The following RSRC1 variants were observed in gnomAD, a reference collection of about 807,000 sequenced individuals.
RSRC1 encodes the protein arginine and serine rich coiled-coil 1, also known as serine/Arginine-related protein 53.
A neutral mutation model predicts 49.1 loss-of-function variants in RSRC1; 39 were observed. The observed-to-expected ratio is 0.79, with a 90% CI of 0.61 to 1.04. The LOEUF (loss-of-function observed/expected upper bound fraction) is 1.04. Among genes scored for constraint, RSRC1 ranks in the 50% least tolerant of loss-of-function variants. RSRC1 has a pLI of 0.00. For missense variants in RSRC1, 388 were observed against 402.4 expected (o/e 0.96, Z 0.31); for synonymous variants, 143 against 130.8 (o/e 1.09, Z -0.63).
intron 6 of RSRC1, among the ~76,000 whole-genome samples, chr3:158,455,106 T>G (rs1276071658): frequency 6.6e-6 from 1 of 152,148 alleles, no homozygotes; most frequent in Non-Finnish European, 1.5e-5. Flanking sequence ...ACTCTAAAAT[T>G]AGAACATTCC....
chr3:158,453,552 A>T (rs1365374105), intron 6 of RSRC1, among the ~76,000 whole-genome samples: 1 of 151,548 alleles, frequency 6.6e-6, no homozygotes, highest in African/African-American at 2.4e-5. Context: ...GGCTAATTTT[A>T]AAATATTTTT....
intron 6 of RSRC1, among the ~76,000 whole-genome samples, chr3:158,419,825 A>T (rs1170538323): frequency 6.6e-6 from 1 of 151,258 alleles, no homozygotes; most frequent in Non-Finnish European, 1.5e-5. Flanking sequence ...TCTAGCAAAA[A>T]AAAAAAAAAA....
chr3:158,253,829 A>G (rs1282477072), intron 4 of RSRC1, among the ~76,000 whole-genome samples: 1 of 152,096 alleles, frequency 6.6e-6, no homozygotes, highest in South Asian at 2.1e-4. Flanking sequence ...AGTTTGATAC[A>G]TAGGTATACG....
chr3:158,314,218 G>A (rs1728279823), intron 5 of RSRC1, among the ~76,000 whole-genome samples: 1 of 152,098 alleles, frequency 6.6e-6, no homozygotes, highest in Non-Finnish European at 1.5e-5. Flanking sequence ...AACCTCCTGA[G>A]TAGCTGAGAT....
intron 5 of RSRC1, among the ~76,000 whole-genome samples, chr3:158,334,124 G>T (rs1729720517): frequency 6.6e-6 from 1 of 152,044 alleles, no homozygotes; most frequent in Non-Finnish European, 1.5e-5. Flanking sequence ...AAAAAAGAAG[G>T]CTATAAAGAT....
chr3:158,544,191 C>T lies in RSRC1; in HGVS notation c.921C>T (p.Ile307=), dbSNP rs753848615. 40 of 1,608,306 alleles carry T rather than the reference C, an allele frequency of 2.5e-5. No individual in the cohort carries two copies. The South Asian group carries it at 3.3e-4, about 13-fold the overall frequency. The stretch of plus-strand genomic sequence containing the variant: ...TTCTTTTCTTATTTCAGTTATTTAT[C>T]GAGAAAGCTGATGCTGAGGAAAAAT... The part of the protein sequence containing the change: ...DNSLAHPNLF[I]EKADAEEKWF... The change falls in exon 10 of 10, where the codon ATC becomes ATT. Residue 307 remains isoleucine (I), a synonymous_variant. Coordinates refer to ENST00000611884, the MANE Select transcript of RSRC1 (RefSeq NM_001271838.2).
intron 6 of RSRC1, among the ~76,000 whole-genome samples, chr3:158,385,322 T>C (rs1413651246): frequency 6.6e-6 from 1 of 152,174 alleles, no homozygotes; most frequent in Non-Finnish European, 1.5e-5. Context: ...CATTGTACTA[T>C]AAACCATTCA....
intron 3 of RSRC1, among the ~76,000 whole-genome samples, chr3:158,202,314 A>G (rs1721091304): frequency 6.6e-6 from 1 of 151,878 alleles, no homozygotes; most frequent in African/African-American, 2.4e-5. Context: ...TGCACCCAGC[A>G]TGAATATAAA....
chr3:158,191,716 T>A (rs1440685962), intron 3 of RSRC1, among the ~76,000 whole-genome samples: 1 of 152,004 alleles, frequency 6.6e-6, no homozygotes, highest in African/African-American at 2.4e-5. Flanking sequence ...TAGAGTGATT[T>A]ATCAGAAATA....
intron 4 of RSRC1, 59 bp from the exon 5 acceptor site, chr3:158,297,980 A>G: frequency 8.0e-7 from 1 of 1,246,522 alleles, no homozygotes; most frequent in Non-Finnish European, 1.2e-6. Flanking sequence ...TTTGAGGTAA[A>G]CAAATTAGAG....
intron 4 of RSRC1, among the ~76,000 whole-genome samples, chr3:158,241,492 A>T (rs551921086): frequency 3.3e-4 from 50 of 151,678 alleles, no homozygotes; most frequent in Middle Eastern, 3.4e-3. Flanking sequence ...TATTTTTTTT[A>T]AAAAAGTGTC....
intron 3 of RSRC1, among the ~76,000 whole-genome samples, chr3:158,154,372 A>G (rs998415202): frequency 8.5e-5 from 13 of 152,112 alleles, no homozygotes; most frequent in African/African-American, 3.1e-4. Context: ...AAAATAAGAC[A>G]ACAATAAAGT....
At position 158,294,505 on chromosome 3, in the gene RSRC1, A is replaced by AC. The variant is rs1370803770; in HGVS notation, c.495-3533dup. Among the ~76,000 whole-genome samples the AC allele has an allele frequency of 9.2e-5, 14 of 152,156 alleles. 1 individual carries two copies. In the South Asian group the frequency reaches 2.9e-3, roughly 32 times the overall value. On this transcript the variant is annotated intron_variant, in intron 4 of 9. Transcript: ENST00000611884. Reference sequence around the variant, plus strand: ...TTTAAAATTCTGGTTTATACATCTTACAGTTTTCCTTGTGGGTTCATCTTT... The same window carrying AC: ...TTTAAAATTCTGGTTTATACATCTTACCAGTTTTCCTTGTGGGTTCATCTTT...
chr3:158,273,517 A>G (rs1430466219), intron 4 of RSRC1, among the ~76,000 whole-genome samples: 1 of 152,138 alleles, frequency 6.6e-6, no homozygotes, highest in Admixed American at 6.5e-5. Flanking sequence ...TCACGGATAA[A>G]TTATCCCCCA....
intron 4 of RSRC1, among the ~76,000 whole-genome samples, chr3:158,285,424 T>A (rs1159059038): frequency 6.6e-6 from 1 of 152,270 alleles, no homozygotes; most frequent in Non-Finnish European, 1.5e-5. Flanking sequence ...TTGCCAATTC[T>A]GTGAAGAAAG....
At chr3:158,519,831 A>G (rs1320617045) in intron 7 of RSRC1, among the ~76,000 whole-genome samples, 5 of 152,248 alleles carry the variant, frequency 3.3e-5, no homozygotes, top group Non-Finnish European at 7.4e-5. Context: ...GTTTATAACT[A>G]TATGTTACCT....
intron 1 of RSRC1, among the ~76,000 whole-genome samples, chr3:158,118,230 G>A (rs948832103): frequency 2.0e-5 from 3 of 152,110 alleles, no homozygotes; most frequent in African/African-American, 7.2e-5. Flanking sequence ...GATTACAGGC[G>A]TGAGCCACCG....
intron 7 of RSRC1, among the ~76,000 whole-genome samples, chr3:158,516,269 G>GT (rs1187407533): frequency 6.6e-6 from 1 of 151,842 alleles, no homozygotes; most frequent in African/African-American, 2.4e-5. Flanking sequence ...GTACAGATGG[G>GT]TTTTTGGTGT....
chr3:158,294,899 A>G (rs1226466925), intron 4 of RSRC1, among the ~76,000 whole-genome samples: 3 of 152,130 alleles, frequency 2.0e-5, no homozygotes, highest in Middle Eastern at 3.2e-3. Flanking sequence ...GCTGGTTGCT[A>G]CTGACTCTGT....
Sources: allele counts gnomAD v4.1 joint callset (sites outside exome capture counted in the v4.1 genomes callset), GRCh38; gene constraint gnomAD v4.1.1; transcripts MANE v1.5; gene names NCBI Gene and HGNC (gene_info 2026-07-23, HGNC 2026-07-21).